The following SNTG2 variants were observed in gnomAD, a reference collection of about 807,000 sequenced individuals.
SNTG2 encodes gamma-2-syntrophin.
In SNTG2, 74 loss-of-function variants were observed where a neutral mutation model predicts 70.9. The ratio of observed to expected loss-of-function variants is 1.04; its 90% CI spans 0.86 to 1.27. The LOEUF is 1.27. SNTG2 is among the 50% of genes most tolerant of loss of function. The pLI is 0.00. For synonymous variants in SNTG2, 278 were observed against 273.8 expected (o/e 1.02, Z -0.15); for missense variants, 717 against 690.7 (o/e 1.04, Z -0.43).
chr2:1,340,877 C>T (rs1015644381), intron 16 of SNTG2, among the ~76,000 whole-genome samples: 2 of 151,984 alleles, frequency 1.3e-5, no homozygotes, highest in African/African-American at 2.4e-5. Context: ...ACAAAATATC[C>T]CCATTTTACA....
intron 7 of SNTG2, among the ~76,000 whole-genome samples, chr2:1,171,202 T>G (rs1671103660): frequency 6.6e-6 from 1 of 152,168 alleles, no homozygotes; most frequent in Non-Finnish European, 1.5e-5. Flanking sequence ...CTATTCACAT[T>G]TCTGTTCTGG....
intron 6 of SNTG2, among the ~76,000 whole-genome samples, chr2:1,142,903 G>A (rs186138457): frequency 6.6e-6 from 1 of 152,296 alleles, no homozygotes; most frequent in Non-Finnish European, 1.5e-5. Context: ...CAATTCTTTA[G>A]ATATGCATGG....
chr2:1,131,181 T>A lies in SNTG2; in HGVS notation c.326-6441T>A, dbSNP rs187417907. Among the ~76,000 whole-genome samples, 14 of 152,294 alleles carry A rather than the reference T, an allele frequency of 9.2e-5. No individual in the cohort carries two copies. The East Asian group carries it at 2.5e-3, about 27-fold the overall frequency. ...TGGTCTGTTAAGATCATACATGCACTGTCTGATTTATTCCTGGGTGAATTT... is the reference window on the plus strand; with the variant it reads ...TGGTCTGTTAAGATCATACATGCACAGTCTGATTTATTCCTGGGTGAATTT... On this transcript the variant is annotated intron_variant, in intron 4 of 16. Transcript: ENST00000308624.
chr2:1,227,120 A>G (rs1006543818), intron 9 of SNTG2, among the ~76,000 whole-genome samples: 1 of 152,252 alleles, frequency 6.6e-6, no homozygotes, highest in African/African-American at 2.4e-5. Flanking sequence ...ATTTTTATAG[A>G]GTTATTTTAT....
intron 1 of SNTG2, among the ~76,000 whole-genome samples, chr2:964,342 C>G (rs1660456546): frequency 6.6e-6 from 1 of 152,190 alleles, no homozygotes; most frequent in Non-Finnish European, 1.5e-5. Flanking sequence ...CATGGTGTCT[C>G]CGCCTGCCTC....
chr2:1,192,889 A>G (rs1162214599), intron 8 of SNTG2, among the ~76,000 whole-genome samples: 2 of 152,206 alleles, frequency 1.3e-5, no homozygotes, highest in Non-Finnish European at 2.9e-5. Flanking sequence ...GTTTCCACAC[A>G]ATTTGTCCTG....
intron 1 of SNTG2, among the ~76,000 whole-genome samples, chr2:1,054,413 T>C (rs192669756): frequency 6.6e-6 from 1 of 152,340 alleles, no homozygotes; most frequent in Admixed American, 6.5e-5. Flanking sequence ...ATGAGGGGTT[T>C]ACGTAGAGGG....
At chr2:1,046,885 T>C (rs1231664697) in intron 1 of SNTG2, among the ~76,000 whole-genome samples, 1 of 152,166 alleles carries the variant, frequency 6.6e-6, no homozygotes, top group Non-Finnish European at 1.5e-5. Context: ...CTGAATTTCC[T>C]AAATTTGAAC....
Position 1,271,466 on chromosome 2 carries a change from T to G in SNTG2, c.1284+3895T>G, listed in dbSNP as rs533669222. On this transcript the variant is annotated intron_variant, in intron 14 of 16. Transcript: ENST00000308624. Reference sequence around the variant, plus strand: ...GAATTTAAAATTAAAAATGTATATCTTTCCTAATAGCAACACAAAAACACA... The same window carrying G: ...GAATTTAAAATTAAAAATGTATATCGTTCCTAATAGCAACACAAAAACACA... Among the ~76,000 whole-genome samples, 156 of 152,256 alleles carry G rather than the reference T, an allele frequency of 1.0e-3. 1 individual carries two copies. The highest frequency in any genetic ancestry group is 3.7e-3 in the African/African-American group (155 of 41,562).
chr2:1,201,619 G>A (rs925275261), intron 8 of SNTG2, among the ~76,000 whole-genome samples: 7 of 151,820 alleles, frequency 4.6e-5, no homozygotes, highest in African/African-American at 7.2e-5. Context: ...GAAAATATCC[G>A]AAATGTTCCC....
At chr2:1,176,502 G>A (rs1483767661) in intron 8 of SNTG2, among the ~76,000 whole-genome samples, 1 of 143,498 alleles carries the variant, frequency 7.0e-6, no homozygotes, top group Non-Finnish European at 1.5e-5. Context: ...TTGACAAATG[G>A]GATCTAATTA....
intron 7 of SNTG2, among the ~76,000 whole-genome samples, chr2:1,171,778 A>C (rs1208077046): frequency 6.6e-6 from 1 of 152,210 alleles, no homozygotes; most frequent in Non-Finnish European, 1.5e-5. Flanking sequence ...TTCTAAAAAT[A>C]TGAGTCTTTG....
intron 1 of SNTG2, among the ~76,000 whole-genome samples, chr2:979,067 T>C (rs1014591045): frequency 6.6e-6 from 1 of 152,234 alleles, no homozygotes; most frequent in Non-Finnish European, 1.5e-5. Flanking sequence ...TGACATTAAA[T>C]TCAATTTCAA....
intron 1 of SNTG2, among the ~76,000 whole-genome samples, chr2:1,008,576 T>A (rs956816500): frequency 2.0e-5 from 3 of 152,212 alleles, no homozygotes; most frequent in African/African-American, 7.2e-5. Flanking sequence ...TGCCTGCTTA[T>A]CTACGTCATC....
At chr2:1,106,739 T>C (rs543427749) in intron 4 of SNTG2, among the ~76,000 whole-genome samples, 79 of 97,156 alleles carry the variant, frequency 8.1e-4, no homozygotes, top group African/African-American at 3.5e-3. Flanking sequence ...AGCTCCTTGA[T>C]AATAATGGAC....
chr2:1,193,637 C>T (rs73171760), intron 8 of SNTG2, among the ~76,000 whole-genome samples: 218 of 152,240 alleles, frequency 1.4e-3, no homozygotes, highest in African/African-American at 5.0e-3. Context: ...ACATTTTGGA[C>T]ATGGGTTTCC....
intron 8 of SNTG2, among the ~76,000 whole-genome samples, chr2:1,179,331 C>CA (rs1671703444): frequency 6.6e-6 from 1 of 151,974 alleles, no homozygotes; most frequent in African/African-American, 2.4e-5. Context: ...TTAGTTAGCC[C>CA]AAAATCTCCT....
At chr2:1,052,063 T>A (rs1229073909) in intron 1 of SNTG2, among the ~76,000 whole-genome samples, 1 of 152,154 alleles carries the variant, frequency 6.6e-6, no homozygotes, top group Admixed American at 6.5e-5. Context: ...TTTTTATTTA[T>A]ATTCATGGGG....
At chr2:1,122,934 A>T in intron 4 of SNTG2, among the ~76,000 whole-genome samples, 1 of 44,382 alleles carries the variant, frequency 2.3e-5, no homozygotes, top group East Asian at 1.6e-3. Context: ...AGAAATCAAA[A>T]CAATCCCATT....
Sources: allele counts gnomAD v4.1 joint callset (sites outside exome capture counted in the v4.1 genomes callset), GRCh38; gene constraint gnomAD v4.1.1; transcripts MANE v1.5; gene names NCBI Gene and HGNC (gene_info 2026-07-23, HGNC 2026-07-21).